KIF20B: variants seen among roughly 807,000 people sequenced by gnomAD.
KIF20B encodes the protein kinesin family member 20B, also known as kinesin-like protein KIF20B.
In KIF20B, 188 loss-of-function variants were observed where a neutral mutation model predicts 232.5. That is an observed-to-expected ratio of 0.81 (90% CI 0.72 to 0.91). The LOEUF (loss-of-function observed/expected upper bound fraction) is 0.91. Ranked by LOEUF, KIF20B falls within the 40% of genes least tolerant of loss-of-function variation. The pLI is 0.00. For missense variants in KIF20B, 2,154 were observed against 2,055.9 expected (o/e 1.05, Z -0.92); for synonymous variants, 712 against 683.0 (o/e 1.04, Z -0.66).
chr10:89,706,888 G>A (rs1842734735), intron 2 of KIF20B, among the ~76,000 whole-genome samples: 1 of 151,880 alleles, frequency 6.6e-6, no homozygotes, highest in Non-Finnish European at 1.5e-5. Flanking sequence ...GCTTTTCTAG[G>A]TCCTTTGCAT....
rs760013594 is a variant in KIF20B at position 89,714,951 on chromosome 10, G to A, written c.713-4G>A. 2 of 1,408,812 alleles carry A rather than the reference G, an allele frequency of 1.4e-6. No individual in the cohort carries two copies. The highest frequency in any genetic ancestry group is 1.9e-6 in the Non-Finnish European group (2 of 1,036,854). The allele number at this position is 1,408,812 out of a possible 1,614,324, so 87.3% of individuals were successfully genotyped here. Reference sequence around the variant, plus strand: ...ATTGTTTTTTCTTTTTCTTTTTTTTGTAGGAAGTTTAACTAACTCTTTGAA... The same window carrying A: ...ATTGTTTTTTCTTTTTCTTTTTTTTATAGGAAGTTTAACTAACTCTTTGAA... On this transcript the variant is annotated splice_region_variant and splice_polypyrimidine_tract_variant and intron_variant, in intron 7 of 32. Transcript: ENST00000371728.
Position 89,772,834 on chromosome 10 carries a change from A to G in KIF20B, c.5385+3A>G, listed in dbSNP as rs1384256725. The G allele has an allele frequency of 1.2e-6, 2 of 1,600,498 alleles. No homozygotes were observed. ...CTATTGATATATCAGGCCAAGTGGT[A>G]AGCTAGTATTTCTGTTTTCATCAAT... On this transcript the variant is annotated splice_donor_region_variant and intron_variant, in intron 32 of 32. Coordinates refer to ENST00000371728, the MANE Select transcript of KIF20B (RefSeq NM_001284259.2).
intron 21 of KIF20B, among the ~76,000 whole-genome samples, chr10:89,742,937 G>C (rs553734439): frequency 4.6e-5 from 7 of 152,020 alleles, no homozygotes; most frequent in African/African-American, 1.7e-4. Context: ...TCCTGACCTC[G>C]TGATCCACTT....
At chr10:89,735,714 G>GT (rs1220859980) in intron 19 of KIF20B, among the ~76,000 whole-genome samples, 1 of 151,394 alleles carries the variant, frequency 6.6e-6, no homozygotes, top group African/African-American at 2.4e-5. Flanking sequence ...ATTTTTTTGT[G>GT]TTTTTAGTAG....
intron 6 of KIF20B, 46 bp downstream of exon 6, chr10:89,711,191 C>A: frequency 8.5e-7 from 1 of 1,179,170 alleles, no homozygotes; most frequent in Non-Finnish European, 1.2e-6. Context: ...TTCCTGACTT[C>A]TTATAAACCC....
Position 89,722,336 on chromosome 10 carries a change from T to C in KIF20B, c.1723-1628T>C, listed in dbSNP as rs1843077832. On this transcript the variant is annotated intron_variant, in intron 13 of 32. Coordinates refer to ENST00000371728, the MANE Select transcript of KIF20B (RefSeq NM_001284259.2). ...GCCTAAATTTTTTCAGCAAAAACTT[T>C]ATCAGATGCTAACAATGATAAAACC... Among the ~76,000 whole-genome samples the C allele has an allele frequency of 2.0e-5, 3 of 152,230 alleles. No individual in the cohort carries two copies. The South Asian group carries it at 6.2e-4, about 32-fold the overall frequency.
chr10:89,707,442 A>G (rs1441606957), intron 2 of KIF20B, among the ~76,000 whole-genome samples: 1 of 152,044 alleles, frequency 6.6e-6, no homozygotes, highest in Non-Finnish European at 1.5e-5. Flanking sequence ...CTAAATAAAG[A>G]AAATTTTATT....
intron 23 of KIF20B, among the ~76,000 whole-genome samples, chr10:89,749,436 CT>C: frequency 6.6e-6 from 1 of 152,162 alleles, no homozygotes; most frequent in Admixed American, 6.5e-5. Context: ...GGCTTTAGTA[CT>C]TTCTATTCAC....
In KIF20B at chr10:89,738,197, C is replaced by G. The variant is rs773394311; in HGVS notation, c.3356C>G (p.Thr1119Ser). 1.2e-6 allele frequency: 2 copies of G among 1,605,118 alleles called. No homozygotes were observed. The highest frequency in any genetic ancestry group is 8.5e-7 in the Non-Finnish European group (1 of 1,178,466). Reference protein sequence around the residue: ...NQDDLLKEKETLIQQLKEELQ... With the variant: ...NQDDLLKEKESLIQQLKEELQ... ...GATGACCTACTAAAAGAAAAAGAAA[C>G]TCTTATACAGCAGCTGAAAGAAGAA... Residue 1119 changes from threonine to serine, a missense_variant, in exon 20 of 33, where the codon ACT (threonine) becomes AGT (serine). Physicochemically the swap from Thr to Ser is moderately conservative, Grantham distance 58. Transcript: ENST00000371728.
rs145029626 is a variant in KIF20B at position 89,761,550 on chromosome 10, A to G, written c.4791+914A>G. On this transcript the variant is annotated intron_variant, in intron 28 of 32. Coordinates refer to ENST00000371728, the MANE Select transcript of KIF20B (RefSeq NM_001284259.2). ...TGAACTTGAACTCCCAGGCTCAAGC[A>G]GTCCTCCTGCCTCAGCCTCCTGAGT... Among the ~76,000 whole-genome samples the G allele has an allele frequency of 3.0e-3, 458 of 152,162 alleles. 3 individuals carry two copies. The highest frequency in any genetic ancestry group is 0.01 in the African/African-American group (428 of 41,546).
At chr10:89,728,197 A>G (rs1048295735) in intron 17 of KIF20B, among the ~76,000 whole-genome samples, 3 of 152,208 alleles carry the variant, frequency 2.0e-5, no homozygotes, top group Non-Finnish European at 2.9e-5. Context: ...CTTAGAAGAC[A>G]TTACACCTAC....
In KIF20B at chr10:89,751,330, C is replaced by G. The variant is rs778146542; in HGVS notation, c.4097-16C>G. ...AGAGGCTATTAATTTCTAAAATGTT[C>G]TCCCCCGATTTTTAGATCTAAATGT... On this transcript the variant is annotated splice_polypyrimidine_tract_variant and intron_variant, in intron 23 of 32. Transcript: ENST00000371728. 1.9e-6 allele frequency: 3 copies of G among 1,578,178 alleles called. No homozygotes were observed. In the African/African-American group the frequency reaches 4.1e-5, roughly 22 times the overall value.
At chr10:89,704,792 C>T (rs1842688747) in intron 1 of KIF20B, among the ~76,000 whole-genome samples, 2 of 152,124 alleles carry the variant, frequency 1.3e-5, no homozygotes, top group South Asian at 2.1e-4. Flanking sequence ...CTCCTGGCCT[C>T]GTGATCGACC....
rs1843003232 is a variant in KIF20B, at chr10:89,719,493, A to C, written c.1509A>C (p.Ser503=). ...CTGTCAAATCTTCTCAAGATGTATC[A>C]CTAGACAGTAATTCAAACAGTAAAA... is the stretch of plus-strand genomic sequence containing the variant. ...FGPVKSSQDV[S]LDSNSNSKIL... is the part of the protein sequence containing the mutation. The change falls in exon 13 of 33, where the codon TCA becomes TCC. Residue 503 remains serine, a synonymous_variant. Coordinates refer to ENST00000371728, the MANE Select transcript of KIF20B (RefSeq NM_001284259.2). 1 of 1,609,310 alleles carries C rather than the reference A, an allele frequency of 6.2e-7. No homozygotes were observed. The highest frequency in any genetic ancestry group is 1.3e-5 in the African/African-American group (1 of 74,754).
chr10:89,763,487 G>A (rs1362770043), intron 29 of KIF20B, among the ~76,000 whole-genome samples: 1 of 152,144 alleles, frequency 6.6e-6, no homozygotes, highest in East Asian at 1.9e-4. Flanking sequence ...AGAAATCAGA[G>A]AAACTGAAAT....
At position 89,762,817 on chromosome 10, in the gene KIF20B, G is replaced by A. The variant is rs1842273983; in HGVS notation, c.4971G>A (p.Lys1657=). 2 of 1,611,006 alleles carry A rather than the reference G, an allele frequency of 1.2e-6. No individual in the cohort carries two copies. The highest frequency in any genetic ancestry group is 1.7e-6 in the Non-Finnish European group (2 of 1,177,532). Residue 1657 remains lysine (K), a synonymous_variant, in exon 29 of 33, where the codon AAG becomes AAA. Coordinates refer to ENST00000371728, the MANE Select transcript of KIF20B (RefSeq NM_001284259.2). ...AGATTCCCAAGGCTCGGAAGAGGAA[G>A]AGTAATGAAATGGAGGAGGTAAATA... The part of the protein sequence containing the change: ...TVKIPKARKR[K]SNEMEEDLVK...
At position 89,714,942 on chromosome 10, in the gene KIF20B, C is replaced by CT. The variant is rs57304303; in HGVS notation, c.713-5dup. On this transcript the variant is annotated splice_polypyrimidine_tract_variant and intron_variant, in intron 7 of 32. Coordinates refer to ENST00000371728, the MANE Select transcript of KIF20B (RefSeq NM_001284259.2). ...ACTTTCGTGATTGTTTTTTCTTTTT[C>CT]TTTTTTTTGTAGGAAGTTTAACTAA... 0.27 allele frequency: 389,238 copies of CT among 1,425,506 alleles called. 57,874 individuals carry two copies. Among genetic ancestry groups the CT allele is most frequent in the East Asian group, 0.58 (24,283 of 41,866 alleles). The allele number at this position is 1,425,506 out of a possible 1,614,324, so 88.3% of individuals were successfully genotyped here. A position where few individuals can be genotyped will look rare whatever the true frequency, so the allele number is the denominator to read the frequency against.
At chr10:89,771,681 T>C (rs578102072) in intron 31 of KIF20B, among the ~76,000 whole-genome samples, 1 of 151,960 alleles carries the variant, frequency 6.6e-6, no homozygotes, top group Non-Finnish European at 1.5e-5. Context: ...AAGACGCTTT[T>C]CTCCACTGTA....
chr10:89,701,656 C>G lies in KIF20B; in HGVS notation c.-26C>G, dbSNP rs536501153. On this transcript the variant is annotated 5_prime_UTR_variant, in exon 1 of 33. Transcript: ENST00000371728. The stretch of plus-strand genomic sequence containing the variant: ...TAACATCGCAGTGCTGCTCGCGGGT[C>G]TGGCTAGTCAGGCGAAGTTTGCAGG... 2 of 152,550 alleles carry G rather than the reference C, an allele frequency of 1.3e-5. No homozygotes were observed. Among genetic ancestry groups the G allele is most frequent in the East Asian group, 3.9e-4 (2 of 5,190 alleles). The allele number at this position is 152,550 out of a possible 1,614,324, so 9.4% of individuals were successfully genotyped here. A position where few individuals can be genotyped will look rare whatever the true frequency, so the allele number is the denominator to read the frequency against.
Sources: gnomAD v4.1 joint callset for allele counts (sites outside exome capture counted in the v4.1 genomes callset) on GRCh38, gnomAD v4.1.1 for gene constraint, MANE v1.5 for transcripts, NCBI Gene and HGNC (gene_info 2026-07-23, HGNC 2026-07-21) for gene names.